The following ARHGAP8 variants were observed in gnomAD, a reference collection of about 807,000 sequenced individuals.
ARHGAP8 encodes rho GTPase-activating protein 8.
A neutral mutation model predicts 46.1 loss-of-function variants in ARHGAP8; 62 were observed. That is an observed-to-expected ratio of 1.34 (90% CI 1.10 to 1.66). The LOEUF is 1.66. ARHGAP8 is among the 40% of genes most tolerant of loss of function. The pLI is 0.00. For synonymous variants in ARHGAP8, 375 were observed against 243.1 expected (o/e 1.54, Z -5.05); for missense variants, 923 against 568.4 (o/e 1.62, Z -6.34).
chr22:44,833,096 C>CTTTTCTTTTCTTTTCT (rs535842585), intron 7 of ARHGAP8, among the ~76,000 whole-genome samples: 3,209 of 120,500 alleles, frequency 0.027, 75 homozygotes, highest in Non-Finnish European at 0.043. Context: ...CTTTTCTTTT[C>CTTTTCTTTTCTTTTCT]TTTTTTTTTT....
In ARHGAP8 at chr22:44,848,970, A is replaced by G. The variant is rs773460570; in HGVS notation, c.787A>G (p.Ile263Val). 7 of 1,614,016 alleles carry G rather than the reference A, an allele frequency of 4.3e-6. No individual in the cohort carries two copies. Among genetic ancestry groups the G allele is most frequent in the Non-Finnish European group, 5.9e-6 (7 of 1,180,046 alleles). The change falls in exon 10 of 12, where the codon ATC becomes GTC. Residue 263 changes from isoleucine (I) to valine (V), a missense_variant. Coordinates refer to ENST00000356099, the MANE Select transcript of ARHGAP8 (RefSeq NM_181335.3). Reference protein sequence around the residue: ...VNFDDYGDIHIPAVILKTFLR... With the variant: ...VNFDDYGDIHVPAVILKTFLR... ...CTTTGACGACTACGGGGACATTCACATCCCTGCCGTGATCCTGAAGACCTT... is the reference window on the plus strand; with the variant it reads ...CTTTGACGACTACGGGGACATTCACGTCCCTGCCGTGATCCTGAAGACCTT...
intron 1 of ARHGAP8, among the ~76,000 whole-genome samples, chr22:44,781,937 C>G (rs901168332): frequency 1.3e-5 from 2 of 152,182 alleles, no homozygotes; most frequent in Non-Finnish European, 2.9e-5. Flanking sequence ...TGGGCTCAGT[C>G]GATCCTCCCA....
chr22:44,802,485 C>T (rs1054777644), intron 3 of ARHGAP8, among the ~76,000 whole-genome samples: 4 of 152,192 alleles, frequency 2.6e-5, no homozygotes, highest in African/African-American at 4.8e-5. Flanking sequence ...GCAGATGACA[C>T]GGCTGCCGAG....
chr22:44,858,304 T>G (rs2070296878), intron 10 of ARHGAP8, among the ~76,000 whole-genome samples: 1 of 150,950 alleles, frequency 6.6e-6, no homozygotes, highest in Non-Finnish European at 1.5e-5. Context: ...AGTGCACACA[T>G]GTGCATACAT....
chr22:44,782,911 G>C (rs554159656), intron 1 of ARHGAP8, among the ~76,000 whole-genome samples: 1 of 152,146 alleles, frequency 6.6e-6, no homozygotes, highest in Admixed American at 6.6e-5. Context: ...TCCACGGCAC[G>C]CTTTAGCACT....
At chr22:44,773,780 G>A (rs1926214238) in intron 1 of ARHGAP8, among the ~76,000 whole-genome samples, 1 of 152,080 alleles carries the variant, frequency 6.6e-6, no homozygotes, top group Non-Finnish European at 1.5e-5. Flanking sequence ...ATAGGGTTTT[G>A]CCATGTTGCC....
intron 1 of ARHGAP8, among the ~76,000 whole-genome samples, chr22:44,772,677 C>T (rs112797662): frequency 2.0e-5 from 3 of 152,090 alleles, no homozygotes; most frequent in Admixed American, 2.0e-4. Flanking sequence ...AAGGGTAATG[C>T]TGGCCCCATA....
intron 1 of ARHGAP8, among the ~76,000 whole-genome samples, chr22:44,771,808 GCCT>G (rs1366369068): frequency 1.8e-4 from 28 of 152,132 alleles, no homozygotes; most frequent in Non-Finnish European, 1.9e-4. Flanking sequence ...ACCCGCCTCG[GCCT>G]CCCAAAGTGC....
chr22:44,862,217 C>A (rs997573234), intron 11 of ARHGAP8, 58 bp from the exon 12 acceptor site: 3 of 1,532,602 alleles, frequency 2.0e-6, no homozygotes, highest in Non-Finnish European at 2.6e-6. Flanking sequence ...GGAGGGAGTT[C>A]CAGGTGCCCG....
intron 11 of ARHGAP8, among the ~76,000 whole-genome samples, chr22:44,860,703 G>A (rs560667121): frequency 6.6e-6 from 1 of 152,108 alleles, no homozygotes; most frequent in African/African-American, 2.4e-5. Flanking sequence ...CCTGGGCTTA[G>A]TGTGCTCTCC....
chr22:44,770,246 AAAAC>A (rs936093963), intron 1 of ARHGAP8, among the ~76,000 whole-genome samples: 3 of 151,936 alleles, frequency 2.0e-5, no homozygotes, highest in Non-Finnish European at 4.4e-5. Flanking sequence ...TCCATCTCAA[AAAAC>A]AAACAAAAAC....
At position 44,849,042 on chromosome 22, in the gene ARHGAP8, C is replaced by G; in HGVS notation, c.859C>G (p.Gln287Glu). The change falls in exon 10 of 12, where the codon CAG (glutamine) becomes GAG (glutamate). Residue 287 changes from glutamine to glutamate, a missense_variant. Coordinates refer to ENST00000356099, the MANE Select transcript of ARHGAP8 (RefSeq NM_181335.3). ...GCTTCTGACCTTCCAGGCCTACGAG[C>G]AGATTCTCGGGATCACCTGTGCGTA... ...QPLLTFQAYEQILGITCVESS... is the reference protein window; with the variant it reads ...QPLLTFQAYEEILGITCVESS... 6.2e-7 allele frequency: 1 copy of G among 1,614,020 alleles called. No homozygotes were observed. Among genetic ancestry groups the G allele is most frequent in the Non-Finnish European group, 8.5e-7 (1 of 1,179,954 alleles).
chr22:44,806,113 G>A (rs1411709525), intron 3 of ARHGAP8, among the ~76,000 whole-genome samples: 1 of 152,138 alleles, frequency 6.6e-6, no homozygotes, highest in South Asian at 2.1e-4. Context: ...AGTCATTTGC[G>A]AAATACAAAA....
intron 7 of ARHGAP8, among the ~76,000 whole-genome samples, chr22:44,834,142 T>A (rs1931136283): frequency 1.3e-5 from 2 of 152,126 alleles, no homozygotes; most frequent in African/African-American, 4.8e-5. Context: ...CTATTTTCTA[T>A]TTATTTCTAC....
At chr22:44,825,682 C>A in intron 7 of ARHGAP8, 89 bp downstream of exon 7, 1 of 1,424,352 alleles carries the variant, frequency 7.0e-7, no homozygotes, top group Non-Finnish European at 9.5e-7. Flanking sequence ...TTTCCCCAGA[C>A]GTTTGTCTCC....
intron 4 of ARHGAP8, among the ~76,000 whole-genome samples, chr22:44,813,417 T>G (rs1428884892): frequency 7.6e-6 from 1 of 131,554 alleles, no homozygotes; most frequent in Non-Finnish European, 1.6e-5. Flanking sequence ...GACACCTACA[T>G]GTACATACAC....
chr22:44,756,349 C>G (rs1265259566), intron 1 of ARHGAP8, among the ~76,000 whole-genome samples: 2 of 152,132 alleles, frequency 1.3e-5, no homozygotes, highest in Admixed American at 1.3e-4. Context: ...GTGGGGCTCC[C>G]TGAAGGTACC....
chr22:44,762,736 G>T (rs1339336993), intron 1 of ARHGAP8, among the ~76,000 whole-genome samples: 1 of 151,860 alleles, frequency 6.6e-6, no homozygotes, highest in Non-Finnish European at 1.5e-5. Flanking sequence ...TAGAGATGAG[G>T]TCTCACCATG....
chr22:44,758,710 A>G (rs983869289), intron 1 of ARHGAP8, among the ~76,000 whole-genome samples: 9 of 151,948 alleles, frequency 5.9e-5, no homozygotes, highest in Admixed American at 5.9e-4. Flanking sequence ...GCCAGGGCAA[A>G]GGCAGTGGGG....
Sources: allele counts gnomAD v4.1 joint callset (sites outside exome capture counted in the v4.1 genomes callset), GRCh38; gene constraint gnomAD v4.1.1; transcripts MANE v1.5; gene names NCBI Gene and HGNC (gene_info 2026-07-23, HGNC 2026-07-21).